The following NDST3 variants were observed in gnomAD, a reference collection of about 807,000 sequenced individuals.
The protein encoded by NDST3 is bifunctional heparan sulfate N-deacetylase/N-sulfotransferase 3.
NDST3 carries 58 observed loss-of-function variants against 96.1 expected under a neutral mutation model. That is an observed-to-expected ratio of 0.60 (90% confidence interval 0.49 to 0.75). The LOEUF (loss-of-function observed/expected upper bound fraction) is 0.75. NDST3 is among the 30% of genes least tolerant of loss of function. The pLI, the probability that NDST3 is intolerant of heterozygous loss-of-function variation, is 0.00. For missense variants in NDST3, 788 were observed against 1,034.2 expected (o/e 0.76, Z 3.27); for synonymous variants, 333 against 359.7 (o/e 0.93, Z 0.84).
intron 1 of NDST3, among the ~76,000 whole-genome samples, chr4:118,052,987 C>T (rs1725168338): frequency 6.6e-6 from 1 of 151,834 alleles, no homozygotes. Flanking sequence ...TACTAAACTC[C>T]TCAAAAAGCG....
rs771128271 is a variant in NDST3 at position 118,054,831 on chromosome 4, G to A, written c.921G>A (p.Val307=). 82 of 1,612,722 alleles carry A rather than the reference G, an allele frequency of 5.1e-5. No homozygotes were observed. The highest frequency in any genetic ancestry group is 4.0e-4 in the Admixed American group (24 of 59,884). The change falls in exon 2 of 14, where the codon GTG becomes GTA. Residue 307 remains valine (V), a synonymous_variant. Coordinates refer to ENST00000296499, the MANE Select transcript of NDST3 (RefSeq NM_004784.3). ...LTLSLDRYIL[V]DIDDIFVGKE... is the part of the protein sequence containing the mutation. ...TGTCCTTGGACAGGTACATTCTTGT[G>A]GATATTGATGATATATTTGTGGGAA...
intron 2 of NDST3, among the ~76,000 whole-genome samples, chr4:118,102,567 A>T (rs1459037845): frequency 2.0e-5 from 3 of 152,152 alleles, no homozygotes; most frequent in Non-Finnish European, 4.4e-5. Flanking sequence ...TAATGAGTAG[A>T]CTACTTCAGT....
chr4:118,190,104 T>C (rs1737211572), intron 6 of NDST3, among the ~76,000 whole-genome samples: 1 of 152,040 alleles, frequency 6.6e-6, no homozygotes, highest in Admixed American at 6.5e-5. Flanking sequence ...TTATACATTC[T>C]GTATACAGAA....
chr4:118,211,140 C>A (rs1294834589), intron 6 of NDST3, among the ~76,000 whole-genome samples: 1 of 152,100 alleles, frequency 6.6e-6, no homozygotes, highest in Non-Finnish European at 1.5e-5. Flanking sequence ...AATATTGCAA[C>A]AAGTTTGGAA....
intron 6 of NDST3, among the ~76,000 whole-genome samples, chr4:118,154,802 T>A (rs1460276045): frequency 1.3e-5 from 2 of 152,180 alleles, no homozygotes; most frequent in African/African-American, 2.4e-5. Flanking sequence ...TACAACACAC[T>A]GTTTCTGCAC....
intron 6 of NDST3, among the ~76,000 whole-genome samples, chr4:118,216,014 T>C (rs1739172261): frequency 6.6e-6 from 1 of 152,144 alleles, no homozygotes; most frequent in Non-Finnish European, 1.5e-5. Context: ...TCCATTGAGA[T>C]TGGGGACCAT....
chr4:118,230,444 G>T (rs1212350856), intron 8 of NDST3, among the ~76,000 whole-genome samples: 2 of 151,994 alleles, frequency 1.3e-5, no homozygotes, highest in African/African-American at 4.8e-5. Context: ...GTGCGGTGGC[G>T]GGCGCCTGTA....
chr4:118,074,540 TTTGTC>T (rs1347877386), intron 2 of NDST3, among the ~76,000 whole-genome samples: 1 of 152,164 alleles, frequency 6.6e-6, no homozygotes, highest in Admixed American at 6.5e-5. Context: ...TAAAGGCTGT[TTTGTC>T]TGAAAGAAGG....
chr4:118,085,761 A>G (rs1038982551), intron 2 of NDST3, among the ~76,000 whole-genome samples: 1 of 152,078 alleles, frequency 6.6e-6, no homozygotes, highest in Non-Finnish European at 1.5e-5. Context: ...GGAAAAAAAC[A>G]TAACAGATAC....
chr4:118,141,525 A>G (rs2125903563), intron 5 of NDST3, among the ~76,000 whole-genome samples: 1 of 152,324 alleles, frequency 6.6e-6, no homozygotes, highest in South Asian at 2.1e-4. Flanking sequence ...CACTGCATTG[A>G]AATTCAAATA....
chr4:118,187,854 G>A (rs537406988), intron 6 of NDST3, among the ~76,000 whole-genome samples: 2 of 152,276 alleles, frequency 1.3e-5, no homozygotes, highest in Admixed American at 1.3e-4. Context: ...TCAGTTGTGA[G>A]ATTATGAAGC....
intron 10 of NDST3, among the ~76,000 whole-genome samples, chr4:118,239,926 T>C (rs1740904606): frequency 6.6e-6 from 1 of 151,972 alleles, no homozygotes; most frequent in African/African-American, 2.4e-5. Flanking sequence ...TTCTGCACAA[T>C]AAATGATTCT....
At chr4:118,141,455 C>A (rs1389706263) in intron 5 of NDST3, among the ~76,000 whole-genome samples, 1 of 152,168 alleles carries the variant, frequency 6.6e-6, no homozygotes, top group African/African-American at 2.4e-5. Context: ...CTATGGGGTT[C>A]ATACCCTCAG....
intron 5 of NDST3, among the ~76,000 whole-genome samples, chr4:118,139,599 T>C (rs1356955206): frequency 3.3e-5 from 5 of 152,094 alleles, no homozygotes; most frequent in Non-Finnish European, 5.9e-5. Flanking sequence ...CATCTAGAAA[T>C]AGGGAACTGA....
At chr4:118,066,111 TTTTATATATTATATATATTATATAA>T (rs1726311786) in intron 2 of NDST3, among the ~76,000 whole-genome samples, 1 of 36,674 alleles carries the variant, frequency 2.7e-5, no homozygotes. Context: ...ATATAATATA[TTTTATATATTATATATATTATATAA>T]TATATTTTAT....
At chr4:118,064,195 G>C (rs1385932750) in intron 2 of NDST3, among the ~76,000 whole-genome samples, 3 of 152,092 alleles carry the variant, frequency 2.0e-5, no homozygotes, top group African/African-American at 7.2e-5. Flanking sequence ...TTTTCTATCT[G>C]TATGTACTCA....
intron 6 of NDST3, among the ~76,000 whole-genome samples, chr4:118,195,018 T>A (rs1737574494): frequency 6.6e-6 from 1 of 152,224 alleles, no homozygotes; most frequent in Admixed American, 6.5e-5. Flanking sequence ...GATAGTTTTT[T>A]ATTATTAATA....
chr4:118,039,620 G>A (rs1474601550), intron 1 of NDST3, among the ~76,000 whole-genome samples: 3 of 152,174 alleles, frequency 2.0e-5, no homozygotes, highest in Non-Finnish European at 4.4e-5. Flanking sequence ...ATGTGAGAAT[G>A]TGTAACAGGG....
intron 6 of NDST3, among the ~76,000 whole-genome samples, chr4:118,181,205 T>C (rs1736586305): frequency 6.6e-6 from 1 of 152,134 alleles, no homozygotes; most frequent in African/African-American, 2.4e-5. Flanking sequence ...CCTTTAGGTC[T>C]CTTCAGGTAG....
Sources: gnomAD v4.1 joint callset for allele counts (sites outside exome capture counted in the v4.1 genomes callset) on GRCh38, gnomAD v4.1.1 for gene constraint, MANE v1.5 for transcripts, NCBI Gene and HGNC (gene_info 2026-07-23, HGNC 2026-07-21) for gene names.